The following PRKN variants were observed in gnomAD, a reference collection of about 807,000 sequenced individuals.
PRKN encodes parkin RBR E3 ubiquitin protein ligase, also known as E3 ubiquitin-protein ligase parkin.
A neutral mutation model predicts 59.5 loss-of-function variants in PRKN; 56 were observed. The observed-to-expected ratio is 0.94, with a 90% CI of 0.76 to 1.18. PRKN has a LOEUF of 1.18. Ranked by LOEUF, PRKN falls within the 50% of genes most tolerant of loss-of-function variation. The pLI is 0.00. For synonymous variants in PRKN, 250 were observed against 222.1 expected, an observed-to-expected ratio of 1.13 and a Z score of -1.12; for missense variants, 657 against 596.4, an observed-to-expected ratio of 1.10 and a Z score of -1.06.
chr6:162,270,211 A>C (rs1780312605), intron 2 of PRKN: 1 of 152,226 alleles, frequency 6.6e-6, no homozygotes, highest in South Asian at 2.1e-4. Context: ...AATGGCATTC[A>C]CAGCAATCTG....
intron 9 of PRKN, among the ~76,000 whole-genome samples, chr6:161,515,407 T>C (rs1222628343): frequency 6.6e-6 from 1 of 152,224 alleles, no homozygotes; most frequent in African/African-American, 2.4e-5. Context: ...TCATAGTAAA[T>C]GTAATTTTGT....
rs1393158080 is a variant in PRKN, at chr6:161,821,716, GTTCTTTTTTTTTTTTTTTTTTTTT to G, written c.735-35832_735-35809del. 3.4e-3 allele frequency among the ~76,000 whole-genome samples: 246 copies of G among 72,578 alleles called. 6 individuals are homozygous for G. Among genetic ancestry groups the G allele is most frequent in the African/African-American group, 0.012 (237 of 19,712 alleles). The allele number at this position is 72,578 out of a possible 152,430, so 47.6% of individuals were successfully genotyped here. The stretch of plus-strand genomic sequence containing the variant: ...ACTTTTGGAAAATATTTCCACTGGT[GTTCTTTTTTTTTTTTTTTTTTTTT>G]TTTTTTTTTTTTTTTTTTTTTTTTT... On this transcript the variant is annotated intron_variant, in intron 6 of 11. Transcript: ENST00000366898.
chr6:161,536,420 GA>G (rs200077606), intron 9 of PRKN, among the ~76,000 whole-genome samples: 2,462 of 141,120 alleles, frequency 0.017, 29 homozygotes, highest in African/African-American at 0.031. Context: ...GTCCACACTT[GA>G]AAAAAAAAAA....
chr6:162,015,849 CAT>C (rs1389087804), intron 5 of PRKN, among the ~76,000 whole-genome samples: 2 of 152,110 alleles, frequency 1.3e-5, no homozygotes, highest in African/African-American at 4.8e-5. Context: ...ATGTAAATGA[CAT>C]ATTCATGGAA....
At chr6:161,960,190 C>T (rs953659215) in intron 6 of PRKN, among the ~76,000 whole-genome samples, 4 of 152,194 alleles carry the variant, frequency 2.6e-5, no homozygotes, top group African/African-American at 9.6e-5. Flanking sequence ...ACTGCATGGA[C>T]TCACTTCATC....
intron 3 of PRKN, among the ~76,000 whole-genome samples, chr6:162,210,305 G>C (rs944023094): frequency 7.2e-5 from 11 of 152,004 alleles, no homozygotes; most frequent in African/African-American, 1.7e-4. Flanking sequence ...ACTGTGGTAA[G>C]GATTTTAAAA....
chr6:161,918,064 A>G (rs1323195555), intron 6 of PRKN, among the ~76,000 whole-genome samples: 2 of 152,232 alleles, frequency 1.3e-5, no homozygotes, highest in Non-Finnish European at 2.9e-5. Flanking sequence ...TTACAACAAC[A>G]AAGAATTCAT....
intron 2 of PRKN, among the ~76,000 whole-genome samples, chr6:162,331,402 C>T (rs553079623): frequency 2.6e-5 from 4 of 152,254 alleles, no homozygotes; most frequent in South Asian, 2.1e-4. Context: ...AAAATATGCC[C>T]GCTTCATCAT....
chr6:162,494,060 T>C (rs535470937), intron 1 of PRKN, among the ~76,000 whole-genome samples: 1 of 152,186 alleles, frequency 6.6e-6, no homozygotes, highest in Non-Finnish European at 1.5e-5. Flanking sequence ...TCCTGCCTCA[T>C]TGTGGAGATG....
rs1354625102 is a variant in PRKN at position 161,423,198 on chromosome 6, T to A, written c.1084-36321A>T. Among the ~76,000 whole-genome samples, 1 of 152,112 alleles carries A rather than the reference T, an allele frequency of 6.6e-6. No individual in the cohort carries two copies. The highest frequency in any genetic ancestry group is 2.4e-5 in the African/African-American group (1 of 41,404). ...GCCTTGCATGGGTTTGGTTGGGACG[T>A]CCTCATCTGAGAAGACGTGGCCCCC... On this transcript the variant is annotated intron_variant, in intron 9 of 11. Transcript: ENST00000366898. The surrounding 1 kb of genome is among the most constrained non-coding windows in gnomAD (Gnocchi z 5.9).
chr6:162,593,997 A>C (rs1000386276), intron 1 of PRKN, among the ~76,000 whole-genome samples: 1 of 152,116 alleles, frequency 6.6e-6, no homozygotes, highest in Admixed American at 6.5e-5. Context: ...AAAAATACGA[A>C]AAATTAGCCT....
At chr6:162,461,701 AC>A (rs1791185531) in intron 1 of PRKN, among the ~76,000 whole-genome samples, 1 of 150,030 alleles carries the variant, frequency 6.7e-6, no homozygotes, top group South Asian at 2.1e-4. Context: ...CGTTCCTGTA[AC>A]CCCAGCTACT....
intron 9 of PRKN, among the ~76,000 whole-genome samples, chr6:161,426,756 T>C (rs2115040958): frequency 6.6e-6 from 1 of 152,000 alleles, no homozygotes; most frequent in East Asian, 1.9e-4. Flanking sequence ...TCTCGCTCTG[T>C]CACCCAGGCT....
intron 2 of PRKN, among the ~76,000 whole-genome samples, chr6:162,286,500 C>T (rs933601526): frequency 2.6e-5 from 4 of 152,164 alleles, no homozygotes; most frequent in African/African-American, 7.2e-5. Flanking sequence ...ACATGCAATA[C>T]TGACTCCAAT....
intron 1 of PRKN, chr6:162,569,821 A>T: frequency 2.3e-6 from 1 of 440,674 alleles, no homozygotes; most frequent in Non-Finnish European, 4.2e-6. Context: ...AGGGAATGGG[A>T]GACCCACCTG....
At position 161,372,194 on chromosome 6, in the gene PRKN, C is replaced by A. The variant is rs1785469057; in HGVS notation, c.1168-11989G>T. ...GGTTATTTTAAAAGTGCTTTGTGTT[C>A]AACTATTGTTACAAGTTGACATATG... is the stretch of plus-strand genomic sequence containing the variant. On this transcript the variant is annotated intron_variant, in intron 10 of 11. Transcript: ENST00000366898. This position sits in a 1 kb window ranked among gnomAD's most constrained non-coding sequence, Gnocchi z 4.2. 6.6e-6 allele frequency among the ~76,000 whole-genome samples: 1 copy of A among 152,146 alleles called. No homozygotes were observed. Among genetic ancestry groups the A allele is most frequent in the Admixed American group, 6.5e-5 (1 of 15,280 alleles).
intron 4 of PRKN, among the ~76,000 whole-genome samples, chr6:162,089,717 T>C (rs1470742049): frequency 6.6e-6 from 1 of 152,154 alleles, no homozygotes; most frequent in Non-Finnish European, 1.5e-5. Context: ...TAAAAAGGAA[T>C]GAGGTACCAC....
intron 1 of PRKN, among the ~76,000 whole-genome samples, chr6:162,646,735 T>A (rs865864757): frequency 2.6e-5 from 4 of 152,262 alleles, no homozygotes; most frequent in South Asian, 2.1e-4. Flanking sequence ...ACTACACACC[T>A]AGGCTGTATG....
chr6:162,563,317 C>CAAAAAAAAAAAAAAAAAAAAA, intron 1 of PRKN, among the ~76,000 whole-genome samples: 1 of 145,716 alleles, frequency 6.9e-6, no homozygotes, highest in Non-Finnish European at 1.5e-5. Context: ...AAACAAAAAA[C>CAAAAAAAAAAAAAAAAAAAAA]AAAAAAAAAA....
Sources: gnomAD v4.1 joint callset for allele counts (sites outside exome capture counted in the v4.1 genomes callset) on GRCh38, gnomAD v4.1.1 for gene constraint, Gnocchi (gnomAD v3.1) non-coding constraint, MANE v1.5 for transcripts, NCBI Gene and HGNC (gene_info 2026-07-23, HGNC 2026-07-21) for gene names.